DCLK3: variants seen among roughly 807,000 people sequenced by gnomAD.
DCLK3 encodes serine/threonine-protein kinase DCLK3.
In DCLK3, 30 loss-of-function variants were observed where a neutral mutation model predicts 46.4. The ratio of observed to expected loss-of-function variants is 0.65; its 90% confidence interval spans 0.48 to 0.88. DCLK3 has a LOEUF of 0.88. DCLK3 is among the 40% of genes least tolerant of loss of function. The pLI is 0.00. For synonymous variants in DCLK3, 401 were observed against 339.2 expected, an observed-to-expected ratio of 1.18 and a Z score of -2.00; for missense variants, 846 against 907.1, an observed-to-expected ratio of 0.93 and a Z score of 0.87.
At chr3:36,730,774 T>G (rs368211253) in intron 2 of DCLK3, among the ~76,000 whole-genome samples, 4 of 150,058 alleles carry the variant, frequency 2.7e-5, no homozygotes, top group South Asian at 4.3e-4. Flanking sequence ...GTGGCAGGAG[T>G]TCTTTTTTTT....
At chr3:36,751,063 TAA>T (rs5847933) in intron 1 of DCLK3, among the ~76,000 whole-genome samples, 3 of 76,492 alleles carry the variant, frequency 3.9e-5, no homozygotes, top group African/African-American at 5.6e-5. Context: ...CGGGATGATC[TAA>T]AAAAAAAAAA....
At position 36,737,652 on chromosome 3, in the gene DCLK3, C is replaced by A; in HGVS notation, c.1515G>T (p.Arg505=). 1 of 1,613,892 alleles carries A rather than the reference C, an allele frequency of 6.2e-7. No homozygotes were observed. The highest frequency in any genetic ancestry group is 1.1e-5 in the South Asian group (1 of 90,982). ...TGGGCCGTGGCTTCCGACCGCTGGGCCGCTCTGGCTTGTTCTCTTCTGGCC... is the reference window on the plus strand; with the variant it reads ...TGGGCCGTGGCTTCCGACCGCTGGGACGCTCTGGCTTGTTCTCTTCTGGCC... ...KTRPEENKPE[R]PSGRKPRPMG... The change falls in exon 2 of 5, where the codon CGG becomes CGT. Residue 505 remains arginine, a synonymous_variant. Coordinates refer to ENST00000636136, the MANE Select transcript of DCLK3 (RefSeq NM_001394672.2). This position sits in a 1 kb window ranked among gnomAD's most constrained non-coding sequence, Gnocchi z 4.4.
intron 4 of DCLK3, 36 bp downstream of exon 4, chr3:36,717,974 C>T (rs769641958): frequency 3.7e-5 from 60 of 1,612,340 alleles, no homozygotes; most frequent in East Asian, 8.9e-5. Context: ...AAAACCCATC[C>T]GCTCCTCTGC....
chr3:36,728,556 C>G lies in DCLK3; in HGVS notation c.1960-6897G>C, dbSNP rs181979223. On this transcript the variant is annotated intron_variant, in intron 2 of 4. Coordinates refer to ENST00000636136, the MANE Select transcript of DCLK3 (RefSeq NM_001394672.2). ...TCTCTCTCTGCACTCCCTCCTCCCC[C>G]TCCTCCTGGGACATCAGAACTGCAG... Among the ~76,000 whole-genome samples, 985 of 152,260 alleles carry G rather than the reference C, an allele frequency of 6.5e-3. 6 individuals carry two copies. The highest frequency in any genetic ancestry group is 0.011 in the Non-Finnish European group (752 of 68,008).
chr3:36,739,036 A>G lies in DCLK3; in HGVS notation c.131T>C (p.Ile44Thr). 1 of 398,806 alleles carries G rather than the reference A, an allele frequency of 2.5e-6. No homozygotes were observed. The highest frequency in any genetic ancestry group is 4.4e-5 in the Admixed American group (1 of 22,738). 24.7% of individuals were successfully genotyped at this position (398,806 alleles called of 1,614,324 possible). A position where few individuals can be genotyped will look rare whatever the true frequency, so the allele number is the denominator to read the frequency against. Residue 44 changes from isoleucine to threonine, a missense_variant, in exon 2 of 5, where the codon ATC (isoleucine) becomes ACC (threonine). Coordinates refer to ENST00000636136, the MANE Select transcript of DCLK3 (RefSeq NM_001394672.2). ...DHSLKYLSSR[I>T]TERKLQGSWL... is the part of the protein sequence containing the mutation. ...GGAGCCTTGCAGCTTCCGCTCTGTGATTCTCGAGCTTAAATATTTTAGAGA... is the reference window on the plus strand; with the variant it reads ...GGAGCCTTGCAGCTTCCGCTCTGTGGTTCTCGAGCTTAAATATTTTAGAGA...
In DCLK3 at chr3:36,738,805, G is replaced by A. The variant is rs946133657; in HGVS notation, c.362C>T (p.Thr121Met). Reference sequence around the variant, plus strand: ...GATGTCAGCTAAGAGCTGCTCGAACGTCTGCACTGATCGCCTGTTGAGGAG... The same window carrying A: ...GATGTCAGCTAAGAGCTGCTCGAACATCTGCACTGATCGCCTGTTGAGGAG... ...TLLLNRRSVQ[T>M]FEQLLADISE... is the part of the protein sequence containing the mutation. The change falls in exon 2 of 5, where the codon ACG becomes ATG. Residue 121 changes from threonine to methionine, a missense_variant. Transcript: ENST00000636136. 48 of 1,033,082 alleles carry A rather than the reference G, an allele frequency of 4.6e-5. No homozygotes were observed. The highest frequency in any genetic ancestry group is 3.5e-4 in the Middle Eastern group (1 of 2,848). 64.0% of individuals were successfully genotyped at this position (1,033,082 alleles called of 1,614,324 possible). A position where few individuals can be genotyped will look rare whatever the true frequency, so the allele number is the denominator to read the frequency against.
chr3:36,719,480 G>A (rs1701030051), intron 3 of DCLK3, among the ~76,000 whole-genome samples: 1 of 152,132 alleles, frequency 6.6e-6, no homozygotes, highest in Non-Finnish European at 1.5e-5. Flanking sequence ...TGATTTTCCT[G>A]GACCTCATCA....
Position 36,738,801 on chromosome 3 carries a change from G to T in DCLK3, c.366C>A (p.Phe122Leu). 9.3e-7 allele frequency: 1 copy of T among 1,080,214 alleles called. No homozygotes were observed. The allele number at this position is 1,080,214 out of a possible 1,614,324, so 66.9% of individuals were successfully genotyped here. The change falls in exon 2 of 5, where the codon TTC (phenylalanine) becomes TTA (leucine). Residue 122 changes from phenylalanine (F) to leucine (L), a missense_variant. Coordinates refer to ENST00000636136, the MANE Select transcript of DCLK3 (RefSeq NM_001394672.2). ...CTGAGATGTCAGCTAAGAGCTGCTCGAACGTCTGCACTGATCGCCTGTTGA... is the reference window on the plus strand; with the variant it reads ...CTGAGATGTCAGCTAAGAGCTGCTCTAACGTCTGCACTGATCGCCTGTTGA... The part of the protein sequence containing the change: ...LLLNRRSVQT[F>L]EQLLADISEA...
Position 36,737,333 on chromosome 3 carries a change from T to C in DCLK3, c.1834A>G (p.Ile612Val). ...YVQGGDLFDA[I>V]IESVKFPEPD... ...TCCGGGAACTTCACACTTTCTATGA[T>C]GGCGTCAAAAAGGTCTCCTCCCTGC... Residue 612 changes from isoleucine to valine, a missense_variant, in exon 2 of 5, where the codon ATC becomes GTC. Coordinates refer to ENST00000636136, the MANE Select transcript of DCLK3 (RefSeq NM_001394672.2). The surrounding 1 kb of genome is among the most constrained non-coding windows in gnomAD (Gnocchi z 4.4). The C allele has an allele frequency of 1.2e-6, 2 of 1,614,220 alleles. No individual in the cohort carries two copies. The highest frequency in any genetic ancestry group is 8.5e-7 in the Non-Finnish European group (1 of 1,180,044).
chr3:36,758,255 CAT>C (rs1575148635), intron 1 of DCLK3, among the ~76,000 whole-genome samples: 1 of 152,106 alleles, frequency 6.6e-6, no homozygotes, highest in East Asian at 1.9e-4. Flanking sequence ...TCAATAGAAA[CAT>C]ATTCTGGATC....
chr3:36,718,107 T>C lies in DCLK3; in HGVS notation c.2163A>G (p.Pro721=). 2 of 1,614,106 alleles carry C rather than the reference T, an allele frequency of 1.2e-6. No individual in the cohort carries two copies. Among genetic ancestry groups the C allele is most frequent in the Non-Finnish European group, 1.7e-6 (2 of 1,180,016 alleles). Reference sequence around the variant, plus strand: ...CCTGGTCCCTCTCAGGGCTGCGGAATGGGGGAAAGCCACACAGCAGGATAT... The same window carrying C: ...CCTGGTCCCTCTCAGGGCTGCGGAACGGGGGAAAGCCACACAGCAGGATAT... The part of the protein sequence containing the change: ...ILYILLCGFP[P]FRSPERDQDE... Residue 721 remains proline (P), a synonymous_variant, in exon 4 of 5, where the codon CCA becomes CCG. Transcript: ENST00000636136.
chr3:36,714,637 G>C lies in DCLK3; in HGVS notation c.*691C>G, dbSNP rs1046716092. 1.3e-5 allele frequency: 2 copies of C among 152,158 alleles called. No homozygotes were observed. The highest frequency in any genetic ancestry group is 2.9e-5 in the Non-Finnish European group (2 of 68,020). The allele number at this position is 152,158 out of a possible 1,614,324, so 9.4% of individuals were successfully genotyped here. A position where few individuals can be genotyped will look rare whatever the true frequency, so the allele number is the denominator to read the frequency against. On this transcript the variant is annotated 3_prime_UTR_variant, in exon 5 of 5. Coordinates refer to ENST00000636136, the MANE Select transcript of DCLK3 (RefSeq NM_001394672.2). ...AATGACTCAGGCTCAGGGATAATTG[G>C]GGCTGAAAAGCAGTATAACGGTATT...
intron 1 of DCLK3, among the ~76,000 whole-genome samples, chr3:36,750,966 C>T (rs1437927918): frequency 3.4e-5 from 5 of 148,338 alleles, no homozygotes; most frequent in Non-Finnish European, 7.4e-5. Context: ...GTTAAGCCAG[C>T]CAACATCCAA....
chr3:36,739,611 C>T (rs903332405), intron 1 of DCLK3, among the ~76,000 whole-genome samples: 6 of 152,204 alleles, frequency 3.9e-5, no homozygotes, highest in Non-Finnish European at 5.9e-5. Context: ...TTGCCTTCCG[C>T]CATGATTGTG....
intron 3 of DCLK3, 36 bp from the exon 4 acceptor site, chr3:36,718,213 A>C (rs200976050): frequency 2.5e-6 from 4 of 1,612,384 alleles, no homozygotes; most frequent in Non-Finnish European, 3.4e-6. Context: ...AGCAAACCTG[A>C]GACCAGGCAG....
At chr3:36,739,403 A>G (rs936916803) in intron 1 of DCLK3, among the ~76,000 whole-genome samples, 9 of 152,064 alleles carry the variant, frequency 5.9e-5, no homozygotes, top group African/African-American at 1.9e-4. Flanking sequence ...CTTGAATTGT[A>G]CTCCCATAAT....
intron 1 of DCLK3, among the ~76,000 whole-genome samples, chr3:36,761,957 T>C (rs1046773436): frequency 6.6e-6 from 1 of 152,088 alleles, no homozygotes; most frequent in African/African-American, 2.4e-5. Context: ...TTCAAATATT[T>C]AGGGGAAAAA....
chr3:36,736,839 G>A (rs954907563), intron 2 of DCLK3, among the ~76,000 whole-genome samples: 1 of 152,182 alleles, frequency 6.6e-6, no homozygotes, highest in Non-Finnish European at 1.5e-5. Context: ...ATCTCAGTGG[G>A]AGGGTGGATG....
intron 2 of DCLK3, among the ~76,000 whole-genome samples, chr3:36,730,908 G>A (rs143912980): frequency 1.3e-5 from 2 of 152,132 alleles, no homozygotes; most frequent in African/African-American, 4.8e-5. Flanking sequence ...TGAAGGCCGA[G>A]GGGCATGCAT....
Sources: allele counts gnomAD v4.1 joint callset (sites outside exome capture counted in the v4.1 genomes callset), GRCh38; gene constraint gnomAD v4.1.1; non-coding constraint Gnocchi (gnomAD v3.1); transcripts MANE v1.5; gene names NCBI Gene and HGNC (gene_info 2026-07-23, HGNC 2026-07-21).